Variants in TBC1D21 observed in about 807,000 individuals in gnomAD.
The protein encoded by TBC1D21 is TBC1 domain family member 21, also known as male germ cell Rab GTPase-activating protein.
TBC1D21 carries 38 observed loss-of-function variants against 46.0 expected under a neutral mutation model. The ratio of observed to expected loss-of-function variants is 0.83; its 90% CI spans 0.64 to 1.08. The LOEUF is 1.08. TBC1D21 is among the 50% of genes least tolerant of loss of function. The probability of loss-of-function intolerance (pLI) is 0.00; values close to 1 mark genes in which losing one functional copy is unlikely to be tolerated. For missense variants in TBC1D21, 415 were observed against 417.9 expected (o/e 0.99, Z 0.06); for synonymous variants, 151 against 157.2 (o/e 0.96, Z 0.29).
intron 8 of TBC1D21, 35 bp from the exon 9 acceptor site, chr15:73,887,585 C>A (rs781085386): frequency 1.9e-6 from 3 of 1,597,988 alleles, no homozygotes; most frequent in Middle Eastern, 1.7e-4. Context: ...CAGTCTCAGA[C>A]CACAGGGCCC....
the TBC1D21 span, chr15:73,908,671 TC>T: frequency 6.5e-6 from 1 of 152,748 alleles, no homozygotes; most frequent in Admixed American, 6.5e-5. Context: ...ATGCAGCCAC[TC>T]ACTGACCACA....
chr15:73,890,770 T>G (rs2068330364), downstream of TBC1D21, among the ~76,000 whole-genome samples: 1 of 152,320 alleles, frequency 6.6e-6, no homozygotes, highest in Non-Finnish European at 1.5e-5. Context: ...CTGTCAAATC[T>G]GTTGTTAAAA....
chr15:73,891,074 C>A (rs2068332956), downstream of TBC1D21, among the ~76,000 whole-genome samples: 3 of 152,214 alleles, frequency 2.0e-5, no homozygotes, highest in Admixed American at 6.5e-5. Flanking sequence ...TGGAGCTTCT[C>A]TCAGCTCATC....
chr15:73,898,893 A>ATATATATATATATATATT, the TBC1D21 span, among the ~76,000 whole-genome samples: 1 of 130,996 alleles, frequency 7.6e-6, no homozygotes, highest in Admixed American at 8.2e-5. Flanking sequence ...ATATATATAT[A>ATATATATATATATATATT]TATATATATA....
At chr15:73,898,140 C>T in the TBC1D21 span, among the ~76,000 whole-genome samples, 1 of 152,232 alleles carries the variant, frequency 6.6e-6, no homozygotes, top group Non-Finnish European at 1.5e-5. Flanking sequence ...CCTGGGTTCT[C>T]GGTCTCCAAC....
In TBC1D21 at chr15:73,885,021, A is replaced by C; in HGVS notation, c.497A>C (p.His166Pro). 6.3e-7 allele frequency: 1 copy of C among 1,576,048 alleles called. No homozygotes were observed. Among genetic ancestry groups the C allele is most frequent in the Non-Finnish European group, 8.6e-7 (1 of 1,162,722 alleles). ...NTQAEYQQGF[H>P]EMMMLFQLMV... The stretch of plus-strand genomic sequence containing the variant: ...GCCACAGAGTACCAGCAGGGCTTCC[A>C]TGAGATGATGATGCTCTTCCAGCTG... The change falls in exon 6 of 11, where the codon CAT (histidine) becomes CCT (proline). Residue 166 changes from histidine (H) to proline (P), a missense_variant. Transcript: ENST00000300504.
At chr15:73,894,993 C>T in the TBC1D21 span, among the ~76,000 whole-genome samples, 1 of 152,190 alleles carries the variant, frequency 6.6e-6, no homozygotes, top group Non-Finnish European at 1.5e-5. Flanking sequence ...TGGTGGCAGG[C>T]ACGGGAGGGC....
intron 1 of TBC1D21, among the ~76,000 whole-genome samples, chr15:73,874,518 C>T (rs143178675): frequency 6.6e-6 from 1 of 152,318 alleles, no homozygotes; most frequent in African/African-American, 2.4e-5. Flanking sequence ...ATGCTGTTGT[C>T]TTCCTTTTAT....
the TBC1D21 span, among the ~76,000 whole-genome samples, chr15:73,907,261 T>C: frequency 2.0e-5 from 3 of 152,226 alleles, no homozygotes; most frequent in Non-Finnish European, 4.4e-5. Context: ...ACAAACTGTC[T>C]GTCAACATGA....
chr15:73,883,769 T>G (rs972418756), intron 3 of TBC1D21, among the ~76,000 whole-genome samples: 2 of 152,174 alleles, frequency 1.3e-5, no homozygotes, highest in Admixed American at 1.3e-4. Flanking sequence ...ACTCAGCACT[T>G]CCAATTCTGA....
chr15:73,879,997 C>T (rs1567064201), intron 1 of TBC1D21, among the ~76,000 whole-genome samples: 1 of 151,764 alleles, frequency 6.6e-6, no homozygotes, highest in Non-Finnish European at 1.5e-5. Flanking sequence ...ACCGGGTTCA[C>T]GTAGTTCTCC....
At chr15:73,880,860 T>A (rs902813263) in intron 1 of TBC1D21, among the ~76,000 whole-genome samples, 5 of 152,198 alleles carry the variant, frequency 3.3e-5, no homozygotes, top group African/African-American at 9.7e-5. Flanking sequence ...GGAGAGGAAC[T>A]TTTTTGTATT....
At chr15:73,885,543 G>T (rs1046576381) in intron 6 of TBC1D21, among the ~76,000 whole-genome samples, 3 of 152,034 alleles carry the variant, frequency 2.0e-5, no homozygotes, top group Non-Finnish European at 4.4e-5. Context: ...GGACTCAATA[G>T]TCCCCAGGGG....
chr15:73,891,295 G>T (rs1307948853), downstream of TBC1D21, among the ~76,000 whole-genome samples: 1 of 152,220 alleles, frequency 6.6e-6, no homozygotes, highest in Non-Finnish European at 1.5e-5. Flanking sequence ...AAATCCTAGA[G>T]CCTAAGTTTG....
chr15:73,896,041 G>A, the TBC1D21 span, among the ~76,000 whole-genome samples: 1 of 152,210 alleles, frequency 6.6e-6, no homozygotes, highest in South Asian at 2.1e-4. Flanking sequence ...GACGGCAGAG[G>A]TGGAGGTGAG....
chr15:73,878,194 A>G (rs760075616), intron 1 of TBC1D21, among the ~76,000 whole-genome samples: 52 of 152,256 alleles, frequency 3.4e-4, no homozygotes, highest in Non-Finnish European at 5.9e-4. Flanking sequence ...AAAGGTCACA[A>G]TAGAATTTTT....
At chr15:73,881,211 C>T (rs936942587) in intron 1 of TBC1D21, among the ~76,000 whole-genome samples, 188 bp from the exon 2 acceptor site, 11 of 152,200 alleles carry the variant, frequency 7.2e-5, no homozygotes, top group African/African-American at 2.7e-4. Flanking sequence ...GAGTAATGTG[C>T]ATGAAAATTA....
At chr15:73,901,806 T>TC in the TBC1D21 span, among the ~76,000 whole-genome samples, 1 of 151,956 alleles carries the variant, frequency 6.6e-6, no homozygotes, top group Non-Finnish European at 1.5e-5. Context: ...CATCTCAAGA[T>TC]CCCTTTTTTT....
the TBC1D21 span, among the ~76,000 whole-genome samples, chr15:73,905,456 C>A: frequency 4.6e-5 from 7 of 152,196 alleles, no homozygotes; most frequent in Non-Finnish European, 4.4e-5. Flanking sequence ...TGGCTGAATT[C>A]AGTACAACCT....
Sources: gnomAD v4.1 joint callset for allele counts (sites outside exome capture counted in the v4.1 genomes callset) on GRCh38, gnomAD v4.1.1 for gene constraint, MANE v1.5 for transcripts, NCBI Gene and HGNC (gene_info 2026-07-23, HGNC 2026-07-21) for gene names.